Variants in ZMYM4 observed in about 807,000 individuals in gnomAD.
ZMYM4 encodes the protein zinc finger MYM-type protein 4.
A neutral mutation model predicts 183.2 loss-of-function variants in ZMYM4; 31 were observed. The ratio of observed to expected loss-of-function variants is 0.17; its 90% confidence interval spans 0.13 to 0.23. ZMYM4 has a LOEUF of 0.23. Among genes scored for constraint, ZMYM4 ranks in the 10% least tolerant of loss-of-function variants. The pLI, the probability that ZMYM4 is intolerant of heterozygous loss-of-function variation, is 1.00. For missense variants in ZMYM4, 1,273 were observed against 1,840.3 expected (o/e 0.69, Z 5.64); for synonymous variants, 592 against 631.2 (o/e 0.94, Z 0.93).
rs192314388 is a variant in ZMYM4, at chr1:35,280,870, C to T, written c.39+11785C>T. ...ACTACACCAGCAAAGAACTTTATTC[C>T]AAATGAAGTCATATTCTGAGGATCT... On this transcript the variant is annotated intron_variant, in intron 1 of 29. Transcript: ENST00000314607. Among the ~76,000 whole-genome samples the T allele has an allele frequency of 4.1e-3, 622 of 152,222 alleles. 1 individual carries two copies. Among genetic ancestry groups the T allele is most frequent in the Non-Finnish European group, 6.5e-3 (444 of 67,994 alleles).
chr1:35,272,207 A>G (rs1286770913), intron 1 of ZMYM4, among the ~76,000 whole-genome samples: 1 of 152,206 alleles, frequency 6.6e-6, no homozygotes, highest in Non-Finnish European at 1.5e-5. Flanking sequence ...CAAACTATCC[A>G]CATAGACTTA....
At chr1:35,328,294 T>C (rs942291255) in intron 2 of ZMYM4, among the ~76,000 whole-genome samples, 7 of 152,024 alleles carry the variant, frequency 4.6e-5, no homozygotes, top group Admixed American at 1.3e-4. Context: ...ATTTTAGTTT[T>C]TATTTTAGAG....
chr1:35,334,036 T>TA (rs375959822), intron 2 of ZMYM4, among the ~76,000 whole-genome samples: 10,848 of 139,990 alleles, frequency 0.077, 1,017 homozygotes, highest in African/African-American at 0.22. Context: ...TTCTGTGACT[T>TA]AAAAAAAAAA....
chr1:35,325,399 G>A lies in ZMYM4; in HGVS notation c.79G>A (p.Glu27Lys), dbSNP rs775226880. ...KSGAVFDEIV[E>K]NCGGIMDTEM... is the part of the protein sequence containing the mutation. ...TGGTGCAGTTTTTGATGAAATTGTA[G>A]AGAACTGTAAGTACCATTTGAGAAA... The change falls in exon 2 of 30, where the codon GAG becomes AAG. Residue 27 changes from glutamate to lysine, a missense_variant. Physicochemically the swap from Glu to Lys is moderately conservative, Grantham distance 56. Coordinates refer to ENST00000314607, the MANE Select transcript of ZMYM4 (RefSeq NM_005095.3). 3 of 1,603,234 alleles carry A rather than the reference G, an allele frequency of 1.9e-6. No homozygotes were observed. The highest frequency in any genetic ancestry group is 2.6e-6 in the Non-Finnish European group (3 of 1,174,478).
intron 1 of ZMYM4, among the ~76,000 whole-genome samples, chr1:35,280,460 A>G (rs192746473): frequency 6.8e-4 from 104 of 152,228 alleles, no homozygotes; most frequent in Non-Finnish European, 1.4e-3. Context: ...TTTAGATATT[A>G]AAGCAGCACT....
intron 1 of ZMYM4, among the ~76,000 whole-genome samples, chr1:35,324,897 T>C (rs1242172307): frequency 6.6e-6 from 1 of 152,194 alleles, no homozygotes; most frequent in Non-Finnish European, 1.5e-5. Flanking sequence ...ACGTACTCAG[T>C]AGGAACCATC....
intron 2 of ZMYM4, among the ~76,000 whole-genome samples, chr1:35,348,421 A>T (rs1481411355): frequency 6.6e-6 from 1 of 152,194 alleles, no homozygotes; most frequent in Non-Finnish European, 1.5e-5. Context: ...ATTCTATATG[A>T]TACACTTCGC....
At chr1:35,294,441 T>C (rs1044359461) in intron 1 of ZMYM4, among the ~76,000 whole-genome samples, 3 of 152,154 alleles carry the variant, frequency 2.0e-5, no homozygotes, top group Non-Finnish European at 4.4e-5. Context: ...CAGGATAATA[T>C]GTGAAAGGCA....
intron 2 of ZMYM4, among the ~76,000 whole-genome samples, chr1:35,350,223 G>GA (rs34466044): frequency 0.033 from 2,414 of 72,300 alleles, 73 homozygotes; most frequent in African/African-American, 0.095. Context: ...ACTCCATCTT[G>GA]AAAAAAAAAA....
At chr1:35,277,303 T>A (rs888966645) in intron 1 of ZMYM4, among the ~76,000 whole-genome samples, 2 of 152,236 alleles carry the variant, frequency 1.3e-5, no homozygotes, top group Non-Finnish European at 2.9e-5. Flanking sequence ...AGGTTCAGTT[T>A]CTTTGGCAAG....
intron 2 of ZMYM4, among the ~76,000 whole-genome samples, chr1:35,333,805 T>C (rs2148841031): frequency 6.6e-6 from 1 of 152,266 alleles, no homozygotes; most frequent in East Asian, 1.9e-4. Flanking sequence ...CTCACTTCTC[T>C]CTGTCTTGAG....
chr1:35,390,851 A>G lies in ZMYM4; in HGVS notation c.2587+753A>G, dbSNP rs111709074. ...TACTTATAACAAAAGACATAAAGTC[A>G]AAATCACATGGCCTTTTAAATATAC... On this transcript the variant is annotated intron_variant, in intron 15 of 29. Transcript: ENST00000314607. Among the ~76,000 whole-genome samples, 13 of 152,370 alleles carry G rather than the reference A, an allele frequency of 8.5e-5. 2 individuals are homozygous for G. Among genetic ancestry groups the G allele is most frequent in the African/African-American group, 2.6e-4 (11 of 41,594 alleles).
chr1:35,269,044 A>G lies in ZMYM4; in HGVS notation c.-3A>G, dbSNP rs1200668999. On this transcript the variant is annotated 5_prime_UTR_variant, in exon 1 of 30. Transcript: ENST00000314607. The stretch of plus-strand genomic sequence containing the variant: ...GCCGCAGCGGTTCCGAGCGGGGCCC[A>G]ACATGGCGGAGAGAGAGGTGGAGTC... 3 of 1,546,938 alleles carry G rather than the reference A, an allele frequency of 1.9e-6. No individual in the cohort carries two copies. In the South Asian group the frequency reaches 3.6e-5, roughly 18 times the overall value.
intron 2 of ZMYM4, among the ~76,000 whole-genome samples, chr1:35,355,196 G>GCTT (rs1643774493): frequency 1.5e-5 from 2 of 134,374 alleles, no homozygotes; most frequent in African/African-American, 5.7e-5. Context: ...ACCACGCCTG[G>GCTT]CTTCTTTTTT....
chr1:35,276,856 C>T (rs903089378), intron 1 of ZMYM4, among the ~76,000 whole-genome samples: 19 of 152,174 alleles, frequency 1.2e-4, no homozygotes, highest in African/African-American at 4.6e-4. Flanking sequence ...ATCCACCCGC[C>T]TCCGCCTCCC....
rs917292549 is a variant in ZMYM4, at chr1:35,388,766, G to A, written c.2264-144G>A. On this transcript the variant is annotated intron_variant, in intron 13 of 29. Coordinates refer to ENST00000314607, the MANE Select transcript of ZMYM4 (RefSeq NM_005095.3). ...TTGCCCAGGCTGGTCTCAAACTCCT[G>A]GGCTCAAGCACTCCTCCCGCCAGCC... 7.9e-5 allele frequency: 53 copies of A among 673,814 alleles called. No individual in the cohort carries two copies. In the African/African-American group the frequency reaches 8.5e-4, roughly 11 times the overall value. The allele number at this position is 673,814 out of a possible 1,614,324, so 41.7% of individuals were successfully genotyped here.
At chr1:35,418,597 A>T (rs1640213699) in intron 29 of ZMYM4, 25 bp downstream of exon 29, 4 of 1,611,646 alleles carry the variant, frequency 2.5e-6, no homozygotes, top group Non-Finnish European at 3.4e-6. Context: ...AACTGAATGT[A>T]GTGCACTCAG....
chr1:35,384,675 T>G (rs1644534917), intron 9 of ZMYM4, among the ~76,000 whole-genome samples: 1 of 152,138 alleles, frequency 6.6e-6, no homozygotes, highest in Admixed American at 6.5e-5. Flanking sequence ...CTTAAATTCA[T>G]ATTTACAAGC....
rs376232861 is a variant in ZMYM4, at chr1:35,299,647, C to G, written c.40-25713C>G. 1.0e-3 allele frequency among the ~76,000 whole-genome samples: 157 copies of G among 152,208 alleles called. 3 individuals are homozygous for G. In the South Asian group the frequency reaches 0.016, roughly 16 times the overall value. ...AGTTATACTTCTGTGCAAACAAAGA[C>G]TTAGCCAGGAATCAGTCTGAATAGT... is the stretch of plus-strand genomic sequence containing the variant. On this transcript the variant is annotated intron_variant, in intron 1 of 29. Transcript: ENST00000314607.
Sources: allele counts gnomAD v4.1 joint callset (sites outside exome capture counted in the v4.1 genomes callset), GRCh38; gene constraint gnomAD v4.1.1; transcripts MANE v1.5; gene names NCBI Gene and HGNC (gene_info 2026-07-23, HGNC 2026-07-21).